The following COCH variants were observed in gnomAD, a reference collection of about 807,000 sequenced individuals.
COCH encodes cochlin.
COCH carries 40 observed loss-of-function variants against 54.8 expected under a neutral mutation model. The observed-to-expected ratio is 0.73, with a 90% confidence interval of 0.57 to 0.95. COCH has a LOEUF of 0.95. COCH is among the 40% of genes least tolerant of loss of function. COCH has a pLI of 0.00. For synonymous variants in COCH, 256 were observed against 237.9 expected (o/e 1.08, Z -0.70); for missense variants, 605 against 675.0 (o/e 0.90, Z 1.15).
chr14:30,885,705 A>T, intron 10 of COCH, 85 bp downstream of exon 10: 1 of 1,531,770 alleles, frequency 6.5e-7, no homozygotes, highest in South Asian at 1.1e-5. Flanking sequence ...CCTCTTATCT[A>T]GATTAACTTG....
intron 5 of COCH, 38 bp downstream of exon 5, chr14:30,878,982 C>T: frequency 6.2e-7 from 1 of 1,611,654 alleles, no homozygotes; most frequent in Non-Finnish European, 8.5e-7. Context: ...TAATATTCTC[C>T]CACCCCCCAA....
At chr14:30,875,192 T>C in intron 3 of COCH, 89 bp downstream of exon 3, 1 of 1,517,600 alleles carries the variant, frequency 6.6e-7, no homozygotes. Context: ...CCCCTTGGGC[T>C]TCAGCCCTAC....
intron 9 of COCH, chr14:30,884,858 T>TA (rs1424029301): frequency 3.7e-5 from 55 of 1,498,226 alleles, no homozygotes; most frequent in Non-Finnish European, 4.5e-5. Context: ...TTTCTTATTT[T>TA]AAAAAATATA....
intron 11 of COCH, chr14:30,889,073 A>G (rs1895891166): frequency 6.5e-6 from 1 of 153,446 alleles, no homozygotes; most frequent in South Asian, 2.0e-4. Flanking sequence ...ATGGAAGAGG[A>G]TTTTTCATTA....
rs575682842 is a variant in COCH, at chr14:30,890,354, T to A, written c.*563T>A. On this transcript the variant is annotated 3_prime_UTR_variant, in exon 12 of 12. Coordinates refer to ENST00000396618, the MANE Select transcript of COCH (RefSeq NM_004086.3). Reference sequence around the variant, plus strand: ...TGTATCAAACTGCTTTTGTAGTGTGTTTTCATAACAACTTATGACTAAAAA... The same window carrying A: ...TGTATCAAACTGCTTTTGTAGTGTGATTTCATAACAACTTATGACTAAAAA... The A allele has an allele frequency of 1.3e-5, 13 of 985,516 alleles. No homozygotes were observed. In the African/African-American group the frequency reaches 1.9e-4, roughly 15 times the overall value. The allele number at this position is 985,516 out of a possible 1,614,324, so 61.0% of individuals were successfully genotyped here. A position where few individuals can be genotyped will look rare whatever the true frequency, so the allele number is the denominator to read the frequency against.
At position 30,877,540 on chromosome 14, in the gene COCH, A is replaced by G; in HGVS notation, c.83-32A>G. On this transcript the variant is annotated intron_variant, in intron 3 of 11. Transcript: ENST00000396618. This position sits in a 1 kb window ranked among gnomAD's most constrained non-coding sequence, Gnocchi z 8.6. The stretch of plus-strand genomic sequence containing the variant: ...CCACTATGCCCCAAGAAGTCCTAAG[A>G]ATGCTTACAATATTATCTCCTTTTT... 1 of 1,612,958 alleles carries G rather than the reference A, an allele frequency of 6.2e-7. No homozygotes were observed. The highest frequency in any genetic ancestry group is 8.5e-7 in the Non-Finnish European group (1 of 1,179,958).
At chr14:30,874,788 G>A in intron 1 of COCH, 128 bp from the exon 2 acceptor site, 1 of 851,360 alleles carries the variant, frequency 1.2e-6, no homozygotes, top group Non-Finnish European at 1.9e-6. Flanking sequence ...CTGGCCTGGA[G>A]CAGCGGGTCG....
At chr14:30,876,311 T>G (rs1306414390) in intron 3 of COCH, 3 of 152,192 alleles carry the variant, frequency 2.0e-5, no homozygotes, top group Non-Finnish European at 4.4e-5. Context: ...CTAGCATCAT[T>G]TATAGTAAAA....
At chr14:30,875,173 C>G in intron 3 of COCH, 70 bp downstream of exon 3, 1 of 1,535,176 alleles carries the variant, frequency 6.5e-7, no homozygotes, top group Non-Finnish European at 8.8e-7. Flanking sequence ...AAGCGGGACT[C>G]AGATCCAGCC....
chr14:30,884,275 C>T (rs1474036261), intron 8 of COCH, among the ~76,000 whole-genome samples: 1 of 152,176 alleles, frequency 6.6e-6, no homozygotes, highest in South Asian at 2.1e-4. Flanking sequence ...ATAATTCCAA[C>T]CTTATAGAGC....
downstream of COCH, among the ~76,000 whole-genome samples, chr14:30,892,126 T>C (rs1895997228): frequency 1.3e-5 from 2 of 152,220 alleles, no homozygotes; most frequent in Admixed American, 6.5e-5. Flanking sequence ...GAAATTAATC[T>C]AATTTCCCAT....
chr14:30,884,906 C>G, intron 9 of COCH: 1 of 1,593,034 alleles, frequency 6.3e-7, no homozygotes, highest in Non-Finnish European at 8.5e-7. Context: ...ATTGGATTGA[C>G]TAGATATAAC....
intron 8 of COCH, among the ~76,000 whole-genome samples, chr14:30,884,083 G>A (rs774209196): frequency 6.6e-6 from 1 of 152,094 alleles, no homozygotes; most frequent in Non-Finnish European, 1.5e-5. Context: ...TAGCTACCTG[G>A]TGCCCAACTC....
At chr14:30,880,524 G>A (rs1464901835) in intron 7 of COCH, 28 bp downstream of exon 7, 2 of 1,613,998 alleles carry the variant, frequency 1.2e-6, no homozygotes, top group African/African-American at 1.3e-5. Context: ...CATTTGGGAA[G>A]GTAGCATTTT....
Position 30,890,412 on chromosome 14 carries a change from G to C in COCH, c.*621G>C. The stretch of plus-strand genomic sequence containing the variant: ...CTGAATAAGAGAGCAGGATTGCCAG[G>C]TATTTTTCTATTTCTCTCCTTAATT... On this transcript the variant is annotated 3_prime_UTR_variant, in exon 12 of 12. Transcript: ENST00000396618. 2.0e-6 allele frequency: 2 copies of C among 981,968 alleles called. No homozygotes were observed. Among genetic ancestry groups the C allele is most frequent in the Middle Eastern group, 5.2e-4 (1 of 1,910 alleles). 60.8% of individuals were successfully genotyped at this position (981,968 alleles called of 1,614,324 possible).
chr14:30,884,764 GGAACT>G (rs1483578937), intron 9 of COCH, 108 bp downstream of exon 9: 1 of 1,283,700 alleles, frequency 7.8e-7, no homozygotes, highest in African/African-American at 1.5e-5. Context: ...AAATCCTCCT[GGAACT>G]GAAATCTTGG....
At chr14:30,886,877 CT>C (rs1895808676) in intron 11 of COCH, among the ~76,000 whole-genome samples, 1 of 152,162 alleles carries the variant, frequency 6.6e-6, no homozygotes, top group Non-Finnish European at 1.5e-5. Flanking sequence ...GCCACTGCCC[CT>C]GGCTAATTTT....
intron 9 of COCH, 178 bp downstream of exon 9, chr14:30,884,834 C>A: frequency 3.5e-6 from 5 of 1,429,776 alleles, no homozygotes; most frequent in Non-Finnish European, 4.7e-6. Flanking sequence ...TGGAAGTATA[C>A]CAAAGTGTTG....
In COCH at chr14:30,886,312, G is replaced by C; in HGVS notation, c.1477G>C (p.Gly493Arg). The C allele has an allele frequency of 6.2e-7, 1 of 1,614,066 alleles. No individual in the cohort carries two copies. The highest frequency in any genetic ancestry group is 8.5e-7 in the Non-Finnish European group (1 of 1,179,988). Residue 493 changes from glycine to arginine, a missense_variant and splice_region_variant, in exon 11 of 12, where the codon GGA becomes CGA. Gly to Arg is a moderately radical substitution (Grantham distance 125). Transcript: ENST00000396618. ...QGPAAAAHDA[G>R]ITIFSVGVAW... is the part of the protein sequence containing the mutation. The stretch of plus-strand genomic sequence containing the variant: ...CCCTGCAGCTGCTGCACATGATGCA[G>C]GTAAGGTCCTTGTTCTTTATAGGAG...
Sources: allele counts gnomAD v4.1 joint callset (sites outside exome capture counted in the v4.1 genomes callset), GRCh38; gene constraint gnomAD v4.1.1; non-coding constraint Gnocchi (gnomAD v3.1); transcripts MANE v1.5; gene names NCBI Gene and HGNC (gene_info 2026-07-23, HGNC 2026-07-21).